Variants in QTMAN observed in about 807,000 individuals in gnomAD.
QTMAN encodes tRNA-queuosine alpha-mannosyltransferase.
the QTMAN span, among the ~76,000 whole-genome samples, chr2:144,053,237 A>T: frequency 6.6e-6 from 1 of 152,222 alleles, no homozygotes. Flanking sequence ...ATAAATGTAC[A>T]TATATGTACC....
chr2:144,243,087 G>A, the QTMAN span, among the ~76,000 whole-genome samples: 2 of 151,716 alleles, frequency 1.3e-5, no homozygotes, highest in Admixed American at 1.3e-4. Context: ...GCTAAAAAAG[G>A]CAGGCAAACA....
chr2:144,054,408 T>C, the QTMAN span, among the ~76,000 whole-genome samples: 1 of 152,160 alleles, frequency 6.6e-6, no homozygotes, highest in South Asian at 2.1e-4. Flanking sequence ...ACCTTGCGGA[T>C]CATTTAGCCC....
chr2:144,195,434 A>T, the QTMAN span, among the ~76,000 whole-genome samples: 1 of 152,122 alleles, frequency 6.6e-6, no homozygotes. Context: ...AAAGAACAAA[A>T]GTTTCTGGGA....
the QTMAN span, among the ~76,000 whole-genome samples, chr2:144,004,569 C>T: frequency 8.6e-5 from 13 of 151,886 alleles, no homozygotes; most frequent in African/African-American, 1.2e-4. Context: ...AAAATATAGG[C>T]GTTTTAGATT....
At chr2:144,148,594 T>C in the QTMAN span, among the ~76,000 whole-genome samples, 3 of 151,920 alleles carry the variant, frequency 2.0e-5, no homozygotes, top group Non-Finnish European at 4.4e-5. Context: ...TGTTAATTTC[T>C]ACATGAGGAT....
At chr2:144,085,574 A>T in the QTMAN span, among the ~76,000 whole-genome samples, 1 of 152,294 alleles carries the variant, frequency 6.6e-6, no homozygotes, top group Admixed American at 6.5e-5. Context: ...TTGTTATGTA[A>T]TTCAACTATA....
the QTMAN span, among the ~76,000 whole-genome samples, chr2:144,165,127 T>G: frequency 6.6e-6 from 1 of 152,262 alleles, no homozygotes; most frequent in African/African-American, 2.4e-5. Flanking sequence ...ATCCCAGCAC[T>G]TTGGTAGGCC....
chr2:144,250,002 T>A, the QTMAN span, among the ~76,000 whole-genome samples: 1 of 152,152 alleles, frequency 6.6e-6, no homozygotes, highest in Non-Finnish European at 1.5e-5. Flanking sequence ...GATGGGAGAC[T>A]GATTTCAAGA....
At chr2:144,092,198 CAG>C in the QTMAN span, among the ~76,000 whole-genome samples, 3,676 of 148,690 alleles carry the variant, frequency 0.025, 150 homozygotes, top group African/African-American at 0.086. Context: ...TTTTCTGAGA[CAG>C]AGTCTTACTC....
the QTMAN span, among the ~76,000 whole-genome samples, chr2:144,065,350 T>C: frequency 6.6e-6 from 1 of 152,188 alleles, no homozygotes; most frequent in African/African-American, 2.4e-5. Context: ...TCTCTACCTT[T>C]CTTGGCCCTG....
chr2:143,989,068 C>A, the QTMAN span, among the ~76,000 whole-genome samples: 1 of 152,040 alleles, frequency 6.6e-6, no homozygotes, highest in African/African-American at 2.4e-5. Flanking sequence ...CTCTCCCCAG[C>A]CCAAATCTGA....
chr2:144,058,423 C>G, the QTMAN span, among the ~76,000 whole-genome samples: 4 of 152,064 alleles, frequency 2.6e-5, no homozygotes, highest in Non-Finnish European at 4.4e-5. Context: ...ATTGGTACTG[C>G]CTTTTTCTTA....
chr2:144,103,493 A>T, the QTMAN span, among the ~76,000 whole-genome samples: 1 of 152,208 alleles, frequency 6.6e-6, no homozygotes, highest in Non-Finnish European at 1.5e-5. Flanking sequence ...ATCACAGACC[A>T]ACTCTATTTA....
chr2:144,165,725 GT>G, the QTMAN span, among the ~76,000 whole-genome samples: 1 of 152,250 alleles, frequency 6.6e-6, no homozygotes, highest in South Asian at 2.1e-4. Context: ...TGAATTTATT[GT>G]TGTAGCTGCA....
the QTMAN span, among the ~76,000 whole-genome samples, chr2:144,209,748 C>T: frequency 1.3e-5 from 2 of 152,144 alleles, no homozygotes; most frequent in African/African-American, 4.8e-5. Flanking sequence ...TCCTGTAAGA[C>T]ATAGGGGAAA....
chr2:144,047,100 A>T, the QTMAN span, among the ~76,000 whole-genome samples: 1 of 151,950 alleles, frequency 6.6e-6, no homozygotes, highest in Non-Finnish European at 1.5e-5. Context: ...GCAAAACCCT[A>T]TCTCTACTAA....
At chr2:144,265,260 G>A in the QTMAN span, among the ~76,000 whole-genome samples, 3 of 152,176 alleles carry the variant, frequency 2.0e-5, no homozygotes, top group Non-Finnish European at 4.4e-5. Flanking sequence ...ATTCAACCAA[G>A]GGAAGTCCAG....
At chr2:144,275,780 C>T in the QTMAN span, among the ~76,000 whole-genome samples, 1 of 152,142 alleles carries the variant, frequency 6.6e-6, no homozygotes, top group East Asian at 1.9e-4. Flanking sequence ...GTTTACTTGG[C>T]TGTTATTTTA....
chr2:144,144,599 T>A, the QTMAN span, among the ~76,000 whole-genome samples: 1 of 151,992 alleles, frequency 6.6e-6, no homozygotes, highest in African/African-American at 2.4e-5. Context: ...CTGCTTTTTT[T>A]ATGAGACATT....
Sources: gnomAD v4.1 joint callset for allele counts (sites outside exome capture counted in the v4.1 genomes callset) on GRCh38, gnomAD v4.1.1 for gene constraint, MANE v1.5 for transcripts, NCBI Gene and HGNC (gene_info 2026-07-23, HGNC 2026-07-21) for gene names.